Variants in ZAN observed in about 807,000 individuals in gnomAD.
The protein encoded by ZAN is zonadhesin (gene/pseudogene).
Under a neutral mutation model 286.2 loss-of-function variants are expected in ZAN, and 260 were observed. The ratio of observed to expected loss-of-function variants is 0.91; its 90% CI spans 0.82 to 1.01. ZAN has a LOEUF of 1.01. Among genes scored for constraint, ZAN ranks in the 50% least tolerant of loss-of-function variants. The probability of loss-of-function intolerance (pLI) is 0.00; values close to 1 mark genes in which losing one functional copy is unlikely to be tolerated. For synonymous variants in ZAN, 1,368 were observed against 1,417.5 expected (o/e 0.97, Z 0.79); for missense variants, 3,410 against 3,639.2 (o/e 0.94, Z 1.62).
chr7:100,747,641 G>A lies in ZAN; in HGVS notation c.1023G>A (p.Gln341=), dbSNP rs1175529971. 1.9e-6 allele frequency: 3 copies of A among 1,613,592 alleles called. No individual in the cohort carries two copies. Among genetic ancestry groups the A allele is most frequent in the Non-Finnish European group, 2.5e-6 (3 of 1,179,750 alleles). ...SVNYTAVGRI[Q]FAVVGVFGKT... ...ATTACACAGCCGTGGGACGGATACA[G>A]GTACAGAGAAGCAAGGGGTCAGGTC... Residue 341 remains glutamine (Q), a splice_region_variant and synonymous_variant, in exon 9 of 48, where the codon CAG becomes CAA. Transcript: ENST00000613979.
chr7:100,737,048 A>C lies in ZAN; in HGVS notation c.493A>C (p.Thr165Pro). 6.7e-7 allele frequency: 1 copy of C among 1,498,828 alleles called. No individual in the cohort carries two copies. The highest frequency in any genetic ancestry group is 9.1e-7 in the Non-Finnish European group (1 of 1,095,706). The allele number at this position is 1,498,828 out of a possible 1,614,324, so 92.8% of individuals were successfully genotyped here. The change falls in exon 5 of 48, where the codon ACT (threonine) becomes CCT (proline). Residue 165 changes from threonine (T) to proline (P), a missense_variant. Thr to Pro is a conservative substitution (Grantham distance 38, BLOSUM62 -1). Coordinates refer to ENST00000613979, the MANE Select transcript of ZAN (RefSeq NM_003386.3). Reference protein sequence around the residue: ...QRPSWMLTTVTVPAGFTLPTR... With the variant: ...QRPSWMLTTVPVPAGFTLPTR... ...ACCCTCCTGGATGCTCACCACCGTC[A>C]CTGTGCCCGCAGGGTTCACCCTGCC...
In ZAN at chr7:100,738,546, G is replaced by A. The variant is rs1026365229; in HGVS notation, c.699G>A (p.Trp233Ter). The A allele has an allele frequency of 1.4e-5, 21 of 1,512,798 alleles. 3 individuals are homozygous for A. Among genetic ancestry groups the A allele is most frequent in the Non-Finnish European group, 1.9e-5 (21 of 1,102,380 alleles). 93.7% of individuals were successfully genotyped at this position (1,512,798 alleles called of 1,614,324 possible). Residue 233 changes from tryptophan (W) to a stop codon, truncating the protein, a stop_gained, in exon 7 of 48, where the codon TGG becomes TGA. Transcript: ENST00000613979. LOFTEE classifies it high-confidence loss of function. Reference sequence around the variant, plus strand: ...TCCCAACTGCCTCCGGGGCCAAGTGGACTCAGAAGAAAGGGTCATCAGGAA... The same window carrying A: ...TCCCAACTGCCTCCGGGGCCAAGTGAACTCAGAAGAAAGGGTCATCAGGAA... ...TWIPTASGAK[W>*]TQKKGSSGKP...
In ZAN at chr7:100,751,991, T is replaced by TCACAGAAAAACCCACCATCCC. The variant is rs1808707517; in HGVS notation, c.1904_1905insCCCCACAGAAAAACCCACCAT (p.Thr630_Pro636dup). 6.8e-7 allele frequency: 1 copy of TCACAGAAAAACCCACCATCCC among 1,468,568 alleles called. No homozygotes were observed. 91.0% of individuals were successfully genotyped at this position (1,468,568 alleles called of 1,614,324 possible). ...ATTCCCTCAGAAAAACCCACCATCC[T>TCACAGAAAAACCCACCATCCC]CACAGAAAAACCCACCATTCCCTCA... On this transcript the variant is annotated inframe_insertion, in exon 14 of 48. Transcript: ENST00000613979.
chr7:100,790,609 G>A (rs1176348843), intron 39 of ZAN, among the ~76,000 whole-genome samples: 2 of 144,480 alleles, frequency 1.4e-5, no homozygotes, highest in African/African-American at 2.6e-5. Flanking sequence ...AGGGCTAGGC[G>A]CGGTGGCTCA....
At position 100,746,797 on chromosome 7, in the gene ZAN, G is replaced by T. The variant is rs1257350434; in HGVS notation, c.931+95G>T. The T allele has an allele frequency of 3.5e-6, 5 of 1,430,086 alleles. No homozygotes were observed. The African/African-American group carries it at 5.7e-5, about 16-fold the overall frequency. 88.6% of individuals were successfully genotyped at this position (1,430,086 alleles called of 1,614,324 possible). A position where few individuals can be genotyped will look rare whatever the true frequency, so the allele number is the denominator to read the frequency against. On this transcript the variant is annotated intron_variant, in intron 8 of 47. Coordinates refer to ENST00000613979, the MANE Select transcript of ZAN (RefSeq NM_003386.3). ...ACATGGGGCATCCCTCAGGGTCTAG[G>T]GAGGTCTGGAATATGTGCGAGACTA...
At chr7:100,795,417 T>A in intron 45 of ZAN, 81 bp downstream of exon 45, 1 of 1,309,194 alleles carries the variant, frequency 7.6e-7, no homozygotes, top group Non-Finnish European at 9.9e-7. Context: ...ATGTATTATA[T>A]TCACATATAG....
intron 34 of ZAN, among the ~76,000 whole-genome samples, chr7:100,776,886 C>G (rs1430128324): frequency 6.8e-6 from 1 of 146,736 alleles, no homozygotes; most frequent in Non-Finnish European, 1.5e-5. Context: ...GCGCCCGCCA[C>G]CGCGCCCGGC....
rs374960098 is a variant in ZAN, at chr7:100,752,750, C to A, written c.2645C>A (p.Thr882Lys). Residue 882 changes from threonine to lysine, a missense_variant, in exon 14 of 48, where the codon ACG (threonine) becomes AAG (lysine). Coordinates refer to ENST00000613979, the MANE Select transcript of ZAN (RefSeq NM_003386.3). Reference protein sequence around the residue: ...TIPTEKLTIPTEKPTIPIEET... With the variant: ...TIPTEKLTIPKEKPTIPIEET... ...CCCACGGAAAAACTCACCATCCCCA[C>A]GGAAAAACCCACCATCCCCATTGAA... 2 of 1,540,212 alleles carry A rather than the reference C, an allele frequency of 1.3e-6. No homozygotes were observed. Among genetic ancestry groups the A allele is most frequent in the African/African-American group, 2.8e-5 (2 of 72,346 alleles).
chr7:100,791,017 A>C lies in ZAN; in HGVS notation c.7433A>C (p.Asp2478Ala). 1 of 1,612,848 alleles carries C rather than the reference A, an allele frequency of 6.2e-7. No individual in the cohort carries two copies. The highest frequency in any genetic ancestry group is 8.5e-7 in the Non-Finnish European group (1 of 1,179,542). The change falls in exon 40 of 48, where the codon GAC (aspartate) becomes GCC (alanine). Residue 2478 changes from aspartate to alanine, a missense_variant. By Grantham distance (126) the Asp-to-Ala change is moderately radical. Transcript: ENST00000613979. Reference sequence around the variant, plus strand: ...AACTACGACAAGAACCGCAAGAATGACATGATGCTGCCCAGTGGCGCCCTG... The same window carrying C: ...AACTACGACAAGAACCGCAAGAATGCCATGATGCTGCCCAGTGGCGCCCTG... ...CGNYDKNRKN[D>A]MMLPSGALTQ... is the part of the protein sequence containing the mutation.
chr7:100,776,401 G>C (rs775034029), intron 33 of ZAN, 39 bp from the exon 34 acceptor site: 16 of 1,581,804 alleles, frequency 1.0e-5, no homozygotes, highest in Non-Finnish European at 1.3e-5. Context: ...AACTGTTCTC[G>C]TGCTTCCCCA....
intron 7 of ZAN, among the ~76,000 whole-genome samples, chr7:100,740,942 A>C (rs1584546943): frequency 1.2e-4 from 1 of 8,208 alleles, no homozygotes; most frequent in Non-Finnish European, 1.7e-4. Flanking sequence ...GACCCCCCCC[A>C]CCTCCCTCCC....
intron 35 of ZAN, among the ~76,000 whole-genome samples, chr7:100,781,149 C>T (rs1296021692): frequency 1.3e-5 from 2 of 152,096 alleles, no homozygotes; most frequent in Non-Finnish European, 2.9e-5. Flanking sequence ...CTCACTGCAA[C>T]TTCCACCTTC....
At chr7:100,790,560 T>G in intron 39 of ZAN, among the ~76,000 whole-genome samples, 1 of 81,350 alleles carries the variant, frequency 1.2e-5, no homozygotes, top group East Asian at 3.3e-4. Flanking sequence ...AGACTCCATC[T>G]CAAAAAAAAA....
At chr7:100,787,867 T>C in intron 37 of ZAN, 22 bp from the exon 38 acceptor site, 1 of 1,472,306 alleles carries the variant, frequency 6.8e-7, no homozygotes. Context: ...CGGCCCCTTC[T>C]CACTGTCTGA....
chr7:100,736,837 C>T lies in ZAN; in HGVS notation c.282C>T (p.Asn94=), dbSNP rs764834817. The T allele has an allele frequency of 6.8e-7, 1 of 1,481,394 alleles. No homozygotes were observed. The highest frequency in any genetic ancestry group is 9.2e-7 in the Non-Finnish European group (1 of 1,086,546). 91.8% of individuals were successfully genotyped at this position (1,481,394 alleles called of 1,614,324 possible). A position where few individuals can be genotyped will look rare whatever the true frequency, so the allele number is the denominator to read the frequency against. The change falls in exon 5 of 48, where the codon AAC becomes AAT. Residue 94 remains asparagine, a synonymous_variant. Transcript: ENST00000613979. ...GEGSYLHMES[N]SFHRGGVARL... ...GCAGCTATCTGCATATGGAATCGAA[C>T]AGCTTCCACCGTGGGGGAGTGGCCC...
Position 100,786,073 on chromosome 7 carries a change from TC to T in ZAN, c.6913del (p.Arg2305AspfsTer49). On this transcript the variant is annotated frameshift_variant, in exon 37 of 48. Coordinates refer to ENST00000613979, the MANE Select transcript of ZAN (RefSeq NM_003386.3). LOFTEE classifies it high-confidence loss of function. ...GGAGGAGCCATTCAGTGCGGGGACT[TC>T]CGATGCCCCTCTGGGTCCCACTGCC... ...CTGGAIQCGD[F>X]RCPSGSHCQL... The T allele has an allele frequency of 6.2e-7, 1 of 1,613,998 alleles. No homozygotes were observed. Among genetic ancestry groups the T allele is most frequent in the Non-Finnish European group, 8.5e-7 (1 of 1,179,890 alleles).
intron 31 of ZAN, among the ~76,000 whole-genome samples, chr7:100,774,734 G>A (rs1417777108): frequency 6.6e-6 from 1 of 151,770 alleles, no homozygotes; most frequent in African/African-American, 2.4e-5. Flanking sequence ...GCTGAGGTAG[G>A]AGGACCACTT....
intron 34 of ZAN, among the ~76,000 whole-genome samples, chr7:100,777,784 T>C (rs983631510): frequency 5.3e-5 from 8 of 151,018 alleles, no homozygotes; most frequent in African/African-American, 1.9e-4. Flanking sequence ...AGAGACAGGG[T>C]CTTGCCACTT....
chr7:100,750,506 G>A (rs3847057), intron 11 of ZAN, 119 bp from the exon 12 acceptor site: 51,434 of 1,232,650 alleles, frequency 0.042, 1,316 homozygotes, highest in Middle Eastern at 0.054. Flanking sequence ...ATAATGCTAC[G>A]ACCTGGGAAA....
Sources: gnomAD v4.1 joint callset for allele counts (sites outside exome capture counted in the v4.1 genomes callset) on GRCh38, gnomAD v4.1.1 for gene constraint, MANE v1.5 for transcripts, NCBI Gene and HGNC (gene_info 2026-07-23, HGNC 2026-07-21) for gene names.